Variants in NUDT9 observed in about 807,000 individuals in gnomAD.
NUDT9 encodes ADP-ribose pyrophosphatase.
NUDT9 carries 31 observed loss-of-function variants against 41.0 expected under a neutral mutation model. That is an observed-to-expected ratio of 0.76 (90% CI 0.57 to 1.02). NUDT9 has a LOEUF of 1.02. Ranked by LOEUF, NUDT9 falls within the 50% of genes least tolerant of loss-of-function variation. The pLI is 0.00. For synonymous variants in NUDT9, 146 were observed against 147.6 expected (o/e 0.99, Z 0.08); for missense variants, 380 against 431.4 (o/e 0.88, Z 1.06).
Position 87,422,796 on chromosome 4 carries a change from C to A in NUDT9, c.-110C>A. On this transcript the variant is annotated 5_prime_UTR_variant, in exon 1 of 8. Transcript: ENST00000302174. ...TTCGGGAACCCAACGGCAGACAGGTCCTAGTGCCCATCAGATACCCGCGGC... is the reference window on the plus strand; with the variant it reads ...TTCGGGAACCCAACGGCAGACAGGTACTAGTGCCCATCAGATACCCGCGGC... 1 of 749,204 alleles carries A rather than the reference C, an allele frequency of 1.3e-6. No homozygotes were observed. Among genetic ancestry groups the A allele is most frequent in the East Asian group, 2.6e-5 (1 of 39,188 alleles). The allele number at this position is 749,204 out of a possible 1,614,324, so 46.4% of individuals were successfully genotyped here. A position where few individuals can be genotyped will look rare whatever the true frequency, so the allele number is the denominator to read the frequency against.
Position 87,457,927 on chromosome 4 carries a change from T to C in NUDT9, c.959T>C (p.Leu320Pro). Residue 320 changes from leucine (L) to proline (P), a missense_variant, in exon 8 of 8, where the codon CTT (leucine) becomes CCT (proline). Transcript: ENST00000302174. ...KWVDINDKLK[L>P]YASHSQFIKL... ...GTGGACATCAATGATAAACTGAAGC[T>C]TTATGCCAGTCACTCTCAATTCATC... is the stretch of plus-strand genomic sequence containing the variant. 6.2e-7 allele frequency: 1 copy of C among 1,606,176 alleles called. No homozygotes were observed. Among genetic ancestry groups the C allele is most frequent in the Non-Finnish European group, 8.5e-7 (1 of 1,177,354 alleles).
intron 7 of NUDT9, among the ~76,000 whole-genome samples, chr4:87,456,366 C>T (rs1003933921): frequency 4.6e-5 from 7 of 152,138 alleles, no homozygotes; most frequent in African/African-American, 1.7e-4. Context: ...ACAGGAAATC[C>T]AGCGGGGGCT....
In NUDT9 at chr4:87,422,916, G is replaced by T. The variant is rs765946698; in HGVS notation, c.11G>T (p.Arg4Leu). ...GCCCTCGGGGCGCTCATGGCGGGACGCCTCCTGGGAAAGGCTTTAGCCGCG... is the reference window on the plus strand; with the variant it reads ...GCCCTCGGGGCGCTCATGGCGGGACTCCTCCTGGGAAAGGCTTTAGCCGCG... Reference protein sequence around the residue: MAGRLLGKALAAVS... With the variant: MAGLLLGKALAAVS... Residue 4 changes from arginine to leucine, a missense_variant, in exon 1 of 8, where the codon CGC becomes CTC. Coordinates refer to ENST00000302174, the MANE Select transcript of NUDT9 (RefSeq NM_024047.5). The T allele has an allele frequency of 1.9e-6, 3 of 1,610,072 alleles. No homozygotes were observed. In the East Asian group the frequency reaches 6.7e-5, roughly 36 times the overall value.
chr4:87,426,206 C>A (rs1379053354), intron 1 of NUDT9, among the ~76,000 whole-genome samples: 1 of 152,166 alleles, frequency 6.6e-6, no homozygotes, highest in African/African-American at 2.4e-5. Flanking sequence ...CCAGAAGGAT[C>A]TACTGGTGAT....
chr4:87,429,175 A>G (rs1721567754), intron 1 of NUDT9, among the ~76,000 whole-genome samples: 1 of 152,156 alleles, frequency 6.6e-6, no homozygotes, highest in Non-Finnish European at 1.5e-5. Flanking sequence ...TTAATGAGTC[A>G]GGATCTCACT....
intron 1 of NUDT9, among the ~76,000 whole-genome samples, chr4:87,426,246 AT>A: frequency 6.7e-6 from 1 of 149,730 alleles, no homozygotes; most frequent in East Asian, 2.1e-4. Flanking sequence ...ATTCCTGTGA[AT>A]GCATAAAACA....
intron 5 of NUDT9, among the ~76,000 whole-genome samples, chr4:87,450,378 CTTTTTTTTT>C (rs59228872): frequency 1.9e-4 from 19 of 102,334 alleles, no homozygotes; most frequent in African/African-American, 6.2e-4. Flanking sequence ...TTTTCTTTTT[CTTTTTTTTT>C]TTTTTTTTTT....
In NUDT9 at chr4:87,422,845, G is replaced by T. The variant is rs143253576; in HGVS notation, c.-61G>T. 6.5e-4 allele frequency: 865 copies of T among 1,324,558 alleles called. 5 individuals carry two copies. In the Middle Eastern group the frequency reaches 7.2e-3, roughly 11 times the overall value. 82.1% of individuals were successfully genotyped at this position (1,324,558 alleles called of 1,614,324 possible). On this transcript the variant is annotated 5_prime_UTR_variant, in exon 1 of 8. Coordinates refer to ENST00000302174, the MANE Select transcript of NUDT9 (RefSeq NM_024047.5). The stretch of plus-strand genomic sequence containing the variant: ...GCCGGGACTCGGAGCTGTGGGGTGT[G>T]GGGAGGCGGAGGCACCAACTAAGAG...
At chr4:87,441,747 G>A in intron 3 of NUDT9, 82 bp from the exon 4 acceptor site, 2 of 1,084,804 alleles carry the variant, frequency 1.8e-6, no homozygotes, top group Non-Finnish European at 2.8e-6. Context: ...TACTGCTTAT[G>A]TTCTCTTCTT....
intron 1 of NUDT9, among the ~76,000 whole-genome samples, chr4:87,430,622 T>G (rs1192288870): frequency 6.6e-6 from 1 of 152,194 alleles, no homozygotes; most frequent in African/African-American, 2.4e-5. Context: ...TTGATAGTGG[T>G]CATTCTAATG....
intron 6 of NUDT9, among the ~76,000 whole-genome samples, chr4:87,452,816 T>G (rs1251260544): frequency 2.0e-5 from 3 of 148,484 alleles, no homozygotes; most frequent in African/African-American, 5.0e-5. Context: ...AGAGTTTTTT[T>G]TTTTTTTTTT....
At chr4:87,452,773 A>C (rs1386501550) in intron 6 of NUDT9, among the ~76,000 whole-genome samples, 1 of 151,284 alleles carries the variant, frequency 6.6e-6, no homozygotes, top group South Asian at 2.1e-4. Context: ...AATACCTTAC[A>C]AGGTATATGC....
At chr4:87,453,120 G>T in intron 6 of NUDT9, among the ~76,000 whole-genome samples, 1 of 151,918 alleles carries the variant, frequency 6.6e-6, no homozygotes, top group East Asian at 1.9e-4. Context: ...CCTTTTTTTG[G>T]TCAGTTTTTA....
chr4:87,434,868 C>G (rs530557814), intron 1 of NUDT9, 113 bp from the exon 2 acceptor site: 1 of 866,840 alleles, frequency 1.2e-6, no homozygotes, highest in African/African-American at 1.7e-5. Flanking sequence ...ATCCACCTAC[C>G]TCGGCCTCAC....
chr4:87,428,113 G>T (rs1198471203), intron 1 of NUDT9, among the ~76,000 whole-genome samples: 1 of 152,106 alleles, frequency 6.6e-6, no homozygotes, highest in East Asian at 1.9e-4. Flanking sequence ...TTTTCAGCCC[G>T]TCTGGGGATA....
intron 3 of NUDT9, among the ~76,000 whole-genome samples, chr4:87,441,349 A>G (rs886479188): frequency 2.6e-5 from 4 of 152,146 alleles, no homozygotes; most frequent in African/African-American, 7.2e-5. Context: ...TAATACTAAT[A>G]CCTTATCATA....
Position 87,435,089 on chromosome 4 carries a change from T to C in NUDT9, c.216T>C (p.Gly72=). ...HNKARTSPYP[G]SKVERSQVPN... is the part of the protein sequence containing the mutation. ...AGGCTCGGACGTCTCCTTACCCAGG[T>C]TCAAAAGTTGAACGAAGCCAGGTTC... Residue 72 remains glycine, a synonymous_variant, in exon 2 of 8, where the codon GGT becomes GGC. Transcript: ENST00000302174. 6.2e-7 allele frequency: 1 copy of C among 1,614,168 alleles called. No homozygotes were observed. The highest frequency in any genetic ancestry group is 1.1e-5 in the South Asian group (1 of 91,084).
At chr4:87,442,507 A>C (rs1722247306) in intron 4 of NUDT9, among the ~76,000 whole-genome samples, 1 of 152,196 alleles carries the variant, frequency 6.6e-6, no homozygotes, top group South Asian at 2.1e-4. Flanking sequence ...ATTTATAAAA[A>C]ATATTTTCAT....
chr4:87,446,023 CA>C (rs2110181428), intron 4 of NUDT9, among the ~76,000 whole-genome samples: 2 of 151,752 alleles, frequency 1.3e-5, no homozygotes, highest in South Asian at 4.2e-4. Flanking sequence ...CTCGGCTTCC[CA>C]AAGTGCTAAG....
Sources: gnomAD v4.1 joint callset for allele counts (sites outside exome capture counted in the v4.1 genomes callset) on GRCh38, gnomAD v4.1.1 for gene constraint, MANE v1.5 for transcripts, NCBI Gene and HGNC (gene_info 2026-07-23, HGNC 2026-07-21) for gene names.